The following FAM186B variants were observed in gnomAD, a reference collection of about 807,000 sequenced individuals.
FAM186B encodes protein FAM186B.
A neutral mutation model predicts 83.4 loss-of-function variants in FAM186B; 68 were observed. The ratio of observed to expected loss-of-function variants is 0.81; its 90% CI spans 0.67 to 1.00. The LOEUF (loss-of-function observed/expected upper bound fraction) is 1.00, where lower values mean the gene tolerates loss of function less well. Among genes scored for constraint, FAM186B ranks in the 50% least tolerant of loss-of-function variants. The pLI is 0.00. For synonymous variants in FAM186B, 389 were observed against 422.0 expected, an observed-to-expected ratio of 0.92 and a Z score of 0.96; for missense variants, 983 against 1,099.2, an observed-to-expected ratio of 0.89 and a Z score of 1.49.
chr12:49,584,623 G>GT (rs1482959830), downstream of FAM186B: 1 of 702,364 alleles, frequency 1.4e-6, no homozygotes, highest in Admixed American at 2.0e-5. Context: ...CGCTGCAAGA[G>GT]TTAGTAGAGT....
At chr12:49,612,025 C>T in the FAM186B span, among the ~76,000 whole-genome samples, 1 of 151,932 alleles carries the variant, frequency 6.6e-6, no homozygotes, top group Non-Finnish European at 1.5e-5. Context: ...CCTGCTACCA[C>T]AAAAATACAG....
chr12:49,619,199 G>T, the FAM186B span: 2 of 183,414 alleles, frequency 1.1e-5, no homozygotes, highest in African/African-American at 2.3e-5. Flanking sequence ...TTCTCAGGAA[G>T]CTTCTGGATG....
upstream of FAM186B, among the ~76,000 whole-genome samples, chr12:49,609,528 TC>T (rs941419589): frequency 6.6e-6 from 1 of 152,162 alleles, no homozygotes; most frequent in Non-Finnish European, 1.5e-5. Flanking sequence ...CCCAGACAGA[TC>T]TCTAGGCAGT....
At chr12:49,618,550 G>GA in the FAM186B span, among the ~76,000 whole-genome samples, 12 of 149,614 alleles carry the variant, frequency 8.0e-5, no homozygotes, top group African/African-American at 1.5e-4. Context: ...ATTATGTAGA[G>GA]AAAAAAAAAT....
At chr12:49,616,158 T>C in the FAM186B span, among the ~76,000 whole-genome samples, 1 of 152,170 alleles carries the variant, frequency 6.6e-6, no homozygotes, top group Non-Finnish European at 1.5e-5. Context: ...GCCTCCCAAG[T>C]AGCTGGGATT....
chr12:49,585,079 C>T (rs879445725), downstream of FAM186B, among the ~76,000 whole-genome samples: 17 of 152,072 alleles, frequency 1.1e-4, no homozygotes, highest in Non-Finnish European at 2.1e-4. Context: ...AGTGCAGTGG[C>T]GCAATCTTGG....
At chr12:49,589,003 C>T (rs1360965629) in intron 5 of FAM186B, among the ~76,000 whole-genome samples, 1 of 152,166 alleles carries the variant, frequency 6.6e-6, no homozygotes, top group East Asian at 1.9e-4. Context: ...CAGCCCCAGC[C>T]CTGGCACTGG....
the FAM186B span, among the ~76,000 whole-genome samples, chr12:49,616,969 G>A: frequency 6.6e-6 from 1 of 152,196 alleles, no homozygotes; most frequent in African/African-American, 2.4e-5. Context: ...GAGGGTGTTA[G>A]GAAATAACTC....
chr12:49,617,114 TCAC>T, the FAM186B span, among the ~76,000 whole-genome samples: 1 of 152,270 alleles, frequency 6.6e-6, no homozygotes, highest in East Asian at 1.9e-4. Flanking sequence ...TACAACACCT[TCAC>T]CACAGTTCAA....
chr12:49,590,994 T>C, intron 5 of FAM186B, among the ~76,000 whole-genome samples: 1 of 152,276 alleles, frequency 6.6e-6, no homozygotes, highest in South Asian at 2.1e-4. Context: ...AGTTTACTAT[T>C]CTCCTGTAAA....
intron 5 of FAM186B, among the ~76,000 whole-genome samples, chr12:49,597,953 G>A (rs749534723): frequency 2.0e-4 from 30 of 152,210 alleles, no homozygotes; most frequent in Non-Finnish European, 2.8e-4. Context: ...CCAGCTACTC[G>A]GGAGACTGAG....
the FAM186B span, among the ~76,000 whole-genome samples, chr12:49,616,621 C>T: frequency 6.6e-6 from 1 of 152,172 alleles, no homozygotes; most frequent in Non-Finnish European, 1.5e-5. Flanking sequence ...CAGATACAAA[C>T]TCCTACAAAC....
chr12:49,605,157 C>T (rs1939984454), intron 1 of FAM186B: 2 of 1,367,142 alleles, frequency 1.5e-6, no homozygotes, highest in South Asian at 1.5e-5. Flanking sequence ...TGCCCCCTTC[C>T]CGGGCCCCAG....
Position 49,588,612 on chromosome 12 carries a change from C to T in FAM186B, c.2376G>A (p.Glu792=), listed in dbSNP as rs1054596016. The T allele has an allele frequency of 1.3e-6, 2 of 1,584,152 alleles. No homozygotes were observed. The highest frequency in any genetic ancestry group is 1.1e-5 in the South Asian group (1 of 87,250). The change falls in exon 6 of 7, where the codon GAG becomes GAA. Residue 792 remains glutamate (E), a synonymous_variant. Transcript: ENST00000257894. ...CAGGGATGTTCAGGTGAACGTTCCA[C>T]TCCAGCTGGAGCTAGAGGAACCAGC... ...MVTMFPKLQL[E]WNVHLNIPEV...
downstream of FAM186B, chr12:49,583,252 T>C (rs1037914873): frequency 1.2e-5 from 4 of 343,928 alleles, no homozygotes; most frequent in African/African-American, 8.6e-5. Context: ...TCTCATTACA[T>C]TTATAAAACT....
downstream of FAM186B, chr12:49,584,176 A>G (rs1939392130): frequency 3.3e-6 from 1 of 305,518 alleles, no homozygotes; most frequent in Non-Finnish European, 6.2e-6. Context: ...CCAGGTGCCA[A>G]TCACAGCTAT....
intron 5 of FAM186B, 64 bp from the exon 6 acceptor site, chr12:49,588,687 A>C: frequency 6.7e-6 from 10 of 1,494,170 alleles, no homozygotes; most frequent in Non-Finnish European, 8.1e-6. Flanking sequence ...GGTCGTGAGG[A>C]GGCTTTGTCT....
the FAM186B span, among the ~76,000 whole-genome samples, chr12:49,616,056 G>A: frequency 6.6e-6 from 1 of 151,048 alleles, no homozygotes; most frequent in African/African-American, 2.4e-5. Context: ...TTGAGATGGA[G>A]TCTTGCTCTG....
In FAM186B at chr12:49,600,090, T is replaced by TTC; in HGVS notation, c.1548_1549dup (p.Lys517ArgfsTer22). The TTC allele has an allele frequency of 6.2e-7, 1 of 1,610,718 alleles. No individual in the cohort carries two copies. The highest frequency in any genetic ancestry group is 8.5e-7 in the Non-Finnish European group (1 of 1,178,244). ...GTCTTCCAGATTCCACTGCCGCAGC[T>TTC]TCTCCTGATGCTCCTGCTCCAGCAG... On this transcript the variant is annotated frameshift_variant, in exon 4 of 7. Coordinates refer to ENST00000257894, the MANE Select transcript of FAM186B (RefSeq NM_032130.3). LOFTEE classifies it high-confidence loss of function. This position sits in a 1 kb window ranked among gnomAD's most constrained non-coding sequence, Gnocchi z 4.3.
Sources: allele counts gnomAD v4.1 joint callset (sites outside exome capture counted in the v4.1 genomes callset), GRCh38; gene constraint gnomAD v4.1.1; non-coding constraint Gnocchi (gnomAD v3.1); transcripts MANE v1.5; gene names NCBI Gene and HGNC (gene_info 2026-07-23, HGNC 2026-07-21).